The following R3HDM2 variants were observed in gnomAD, a reference collection of about 807,000 sequenced individuals.
R3HDM2 encodes R3H domain containing 2, also known as R3H domain-containing protein 2.
In R3HDM2, 38 loss-of-function variants were observed where a neutral mutation model predicts 124.5. The observed-to-expected ratio is 0.31, with a 90% CI of 0.24 to 0.40. The LOEUF (loss-of-function observed/expected upper bound fraction) is 0.40. Among genes scored for constraint, R3HDM2 ranks in the 10% least tolerant of loss-of-function variants. R3HDM2 has a pLI of 1.00. For synonymous variants in R3HDM2, 391 were observed against 448.0 expected, an observed-to-expected ratio of 0.87 and a Z score of 1.61; for missense variants, 869 against 1,236.9, an observed-to-expected ratio of 0.70 and a Z score of 4.46.
At chr12:57,411,403 A>T (rs1297390870) in intron 1 of R3HDM2, among the ~76,000 whole-genome samples, 1 of 152,178 alleles carries the variant, frequency 6.6e-6, no homozygotes, top group African/African-American at 2.4e-5. Flanking sequence ...ACCTCAAGTG[A>T]TCCACCTGCC....
rs775839017 is a variant in R3HDM2, at chr12:57,371,083, C to CTTTTTTTTTTTTTTTT, written c.-36+24650_-36+24665dup. ...AATGGGAACCAAATATATACCATTA[C>CTTTTTTTTTTTTTTTT]TTTTTTTTTTTTTTTTTTTTTTTTT... On this transcript the variant is annotated intron_variant, in intron 2 of 23. Coordinates refer to ENST00000402412, the MANE Select transcript of R3HDM2 (RefSeq NM_001394031.1). 1.3e-3 allele frequency among the ~76,000 whole-genome samples: 53 copies of CTTTTTTTTTTTTTTTT among 40,900 alleles called. 13 individuals carry two copies. Among genetic ancestry groups the CTTTTTTTTTTTTTTTT allele is most frequent in the East Asian group, 2.0e-3 (2 of 1,002 alleles). 26.8% of individuals were successfully genotyped at this position (40,900 alleles called of 152,430 possible).
At chr12:57,321,446 T>C (rs2056431418) in intron 2 of R3HDM2, among the ~76,000 whole-genome samples, 1 of 151,910 alleles carries the variant, frequency 6.6e-6, no homozygotes, top group African/African-American at 2.4e-5. Context: ...ACGTCAGGAG[T>C]TCGAGACCAG....
intron 9 of R3HDM2, among the ~76,000 whole-genome samples, chr12:57,295,858 T>C (rs1227446957): frequency 6.6e-6 from 1 of 152,046 alleles, no homozygotes; most frequent in Non-Finnish European, 1.5e-5. Context: ...CCCTGCAAAA[T>C]ACTTAAAAAA....
chr12:57,410,132 C>T (rs948915732), intron 1 of R3HDM2, among the ~76,000 whole-genome samples: 1 of 151,722 alleles, frequency 6.6e-6, no homozygotes, highest in Non-Finnish European at 1.5e-5. Flanking sequence ...TTCCAAATAC[C>T]AAATCAGGTG....
intron 1 of R3HDM2, among the ~76,000 whole-genome samples, chr12:57,429,906 A>C (rs1869292624): frequency 6.6e-6 from 1 of 152,274 alleles, no homozygotes; most frequent in Non-Finnish European, 1.5e-5. Flanking sequence ...GAAACCTGTC[A>C]CTTTCCTCCT....
rs67514723 is a variant in R3HDM2, at chr12:57,254,501, C to CAA, written c.*270_*271dup. 0.014 allele frequency: 1,462 copies of CAA among 101,126 alleles called. No homozygotes were observed. Among genetic ancestry groups the CAA allele is most frequent in the South Asian group, 0.019 (115 of 6,092 alleles). 6.3% of individuals were successfully genotyped at this position (101,126 alleles called of 1,614,324 possible). ...GGGTGACAAGAGCGAAACTCCGTCT[C>CAA]AAAAAAAAAAAAAAAAAAAAAAAGA... On this transcript the variant is annotated 3_prime_UTR_variant, in exon 24 of 24. Coordinates refer to ENST00000402412, the MANE Select transcript of R3HDM2 (RefSeq NM_001394031.1).
At position 57,295,534 on chromosome 12, in the gene R3HDM2, G is replaced by A. The variant is rs1176385302; in HGVS notation, c.702-27C>T. 4 of 1,509,714 alleles carry A rather than the reference G, an allele frequency of 2.6e-6. No individual in the cohort carries two copies. The Admixed American group carries it at 7.9e-5, about 30-fold the overall frequency. 93.5% of individuals were successfully genotyped at this position (1,509,714 alleles called of 1,614,324 possible). On this transcript the variant is annotated intron_variant, in intron 9 of 23. Transcript: ENST00000402412. Reference sequence around the variant, plus strand: ...TGAGATTTGGAGAGAAATGTGAAAGGAAAGGAGGACAAAGACCGTTTTGTT... The same window carrying A: ...TGAGATTTGGAGAGAAATGTGAAAGAAAAGGAGGACAAAGACCGTTTTGTT...
chr12:57,405,949 T>C (rs2068487824), intron 1 of R3HDM2, among the ~76,000 whole-genome samples: 1 of 152,006 alleles, frequency 6.6e-6, no homozygotes, highest in South Asian at 2.1e-4. Flanking sequence ...ACTAACAGGA[T>C]CACATCCAAA....
chr12:57,398,409 A>T (rs1035043225), intron 1 of R3HDM2, among the ~76,000 whole-genome samples: 1 of 151,966 alleles, frequency 6.6e-6, no homozygotes, highest in African/African-American at 2.4e-5. Flanking sequence ...TAGCCAATAA[A>T]ATGGCCAAAC....
intron 14 of R3HDM2, among the ~76,000 whole-genome samples, chr12:57,278,448 T>A (rs948737721): frequency 1.4e-4 from 21 of 151,504 alleles, no homozygotes; most frequent in African/African-American, 4.6e-4. Flanking sequence ...GATGGGAGAC[T>A]AAGAGGGAGA....
intron 2 of R3HDM2, among the ~76,000 whole-genome samples, chr12:57,374,935 G>C (rs1484442074): frequency 1.3e-5 from 2 of 151,074 alleles, no homozygotes; most frequent in Non-Finnish European, 2.9e-5. Context: ...GGCGGAGCTT[G>C]CAGTGAGCCG....
At chr12:57,426,806 T>C (rs570288688) in intron 1 of R3HDM2, among the ~76,000 whole-genome samples, 4 of 152,220 alleles carry the variant, frequency 2.6e-5, no homozygotes, top group African/African-American at 9.6e-5. Context: ...CATCTCTCAA[T>C]GAGTACCTTA....
In R3HDM2 at chr12:57,254,114, A is replaced by G. The variant is rs1464686414; in HGVS notation, c.*659T>C. The stretch of plus-strand genomic sequence containing the variant: ...GAAAGGAAGCTTGGGATGTTAAGGT[A>G]ATAGGAGGACAGTGTGGGACTTTCC... On this transcript the variant is annotated 3_prime_UTR_variant, in exon 24 of 24. Coordinates refer to ENST00000402412, the MANE Select transcript of R3HDM2 (RefSeq NM_001394031.1). The G allele has an allele frequency of 2.2e-6, 1 of 450,400 alleles. No homozygotes were observed. Among genetic ancestry groups the G allele is most frequent in the South Asian group, 1.6e-5 (1 of 62,866 alleles). The allele number at this position is 450,400 out of a possible 1,614,324, so 27.9% of individuals were successfully genotyped here.
Position 57,283,985 on chromosome 12 carries a change from A to G in R3HDM2, c.1010T>C (p.Leu337Pro), listed in dbSNP as rs747432382. Residue 337 changes from leucine (L) to proline (P), a missense_variant, in exon 13 of 24, where the codon CTG becomes CCG. By Grantham distance (98) the Leu-to-Pro change is moderately conservative. Transcript: ENST00000402412. ...QSSTDSELKS[L>P]EPRPWSSTDS... ...TGTGCTGCTCCAAGGGCGTGGCTCC[A>G]GGGATTTGAGTTCGCTGTCTGTGCT... The G allele has an allele frequency of 3.1e-6, 5 of 1,613,902 alleles. No homozygotes were observed. Among genetic ancestry groups the G allele is most frequent in the Non-Finnish European group, 2.5e-6 (3 of 1,179,938 alleles).
At chr12:57,421,570 G>C (rs2070203774) in intron 1 of R3HDM2, among the ~76,000 whole-genome samples, 1 of 150,906 alleles carries the variant, frequency 6.6e-6, no homozygotes, top group Non-Finnish European at 1.5e-5. Context: ...CAATGTGGTG[G>C]GATTGTGGCT....
At chr12:57,426,454 A>G (rs1333302576) in intron 1 of R3HDM2, among the ~76,000 whole-genome samples, 3 of 152,188 alleles carry the variant, frequency 2.0e-5, no homozygotes, top group African/African-American at 7.2e-5. Context: ...CTGTCTCTAC[A>G]TGAATTGGTG....
rs182009377 is a variant in R3HDM2 at position 57,284,380 on chromosome 12, T to C, written c.939-324A>G. 2.7e-3 allele frequency among the ~76,000 whole-genome samples: 407 copies of C among 152,284 alleles called. 3 individuals carry two copies. Among genetic ancestry groups the C allele is most frequent in the African/African-American group, 9.2e-3 (383 of 41,550 alleles). ...TGGTCTCTTCCCCACCCTCTGAGGG[T>C]AATCCCACACATGCAAGCAATAATG... On this transcript the variant is annotated intron_variant, in intron 12 of 23. Coordinates refer to ENST00000402412, the MANE Select transcript of R3HDM2 (RefSeq NM_001394031.1).
intron 2 of R3HDM2, among the ~76,000 whole-genome samples, chr12:57,330,349 C>CA (rs1005427742): frequency 1.4e-5 from 2 of 144,116 alleles, no homozygotes; most frequent in Non-Finnish European, 3.1e-5. Context: ...TGCATTTATT[C>CA]TTTTTTTTTT....
At chr12:57,424,561 T>G (rs760735819) in intron 1 of R3HDM2, among the ~76,000 whole-genome samples, 2 of 152,206 alleles carry the variant, frequency 1.3e-5, no homozygotes, top group African/African-American at 2.4e-5. Flanking sequence ...TTCACAAGTC[T>G]GACCCACCCT....
Sources: gnomAD v4.1 joint callset for allele counts (sites outside exome capture counted in the v4.1 genomes callset) on GRCh38, gnomAD v4.1.1 for gene constraint, MANE v1.5 for transcripts, NCBI Gene and HGNC (gene_info 2026-07-23, HGNC 2026-07-21) for gene names.